RBM8A: variants seen among roughly 807,000 people sequenced by gnomAD.
RBM8A encodes RNA binding motif protein 8A, also known as RNA-binding protein 8A.
RBM8A carries 8 observed loss-of-function variants against 25.1 expected under a neutral mutation model. That is an observed-to-expected ratio of 0.32 (90% CI 0.19 to 0.58). The LOEUF is 0.58. Ranked by LOEUF, RBM8A falls within the 20% of genes least tolerant of loss-of-function variation. The probability of loss-of-function intolerance (pLI) is 0.88; values close to 1 mark genes in which losing one functional copy is unlikely to be tolerated. For missense variants in RBM8A, 114 were observed against 236.8 expected (o/e 0.48, Z 3.40); for synonymous variants, 66 against 80.0 (o/e 0.82, Z 0.94).
At position 145,925,617 on chromosome 1, in the gene RBM8A, A is replaced by G; in HGVS notation, c.*265T>C. ...ACTCTATCTCAAAAAAAAGAAAAAA[A>G]AGAAATACATAGAGTTCAGTCCCTA... On this transcript the variant is annotated 3_prime_UTR_variant, in exon 6 of 6. Transcript: ENST00000583313. The G allele has an allele frequency of 2.3e-6, 1 of 440,920 alleles. No individual in the cohort carries two copies. The highest frequency in any genetic ancestry group is 4.1e-6 in the Non-Finnish European group (1 of 241,982). The allele number at this position is 440,920 out of a possible 1,614,324, so 27.3% of individuals were successfully genotyped here.
At position 145,926,890 on chromosome 1, in the gene RBM8A, T is replaced by C; in HGVS notation, c.128-4A>G. The stretch of plus-strand genomic sequence containing the variant: ...ATCCGCGCTCGGGACCCCTCTTCTA[T>C]AAGGGACATACACGAGATCACCGAA... On this transcript the variant is annotated splice_region_variant and splice_polypyrimidine_tract_variant and intron_variant, in intron 2 of 5. Transcript: ENST00000583313. 2 of 1,614,058 alleles carry C rather than the reference T, an allele frequency of 1.2e-6. No individual in the cohort carries two copies. The highest frequency in any genetic ancestry group is 1.7e-6 in the Non-Finnish European group (2 of 1,180,006).
rs1647936665 is a variant in RBM8A at position 145,923,708 on chromosome 1, C to T, written c.*2174G>A. 4.5e-6 allele frequency: 2 copies of T among 447,496 alleles called. No homozygotes were observed. The highest frequency in any genetic ancestry group is 7.5e-5 in the Admixed American group (2 of 26,644). The allele number at this position is 447,496 out of a possible 1,614,324, so 27.7% of individuals were successfully genotyped here. Reference sequence around the variant, plus strand: ...ATTCTTTACCATTATAGTTACTGCACATAAGACTATTACTACTAAAGGTCA... The same window carrying T: ...ATTCTTTACCATTATAGTTACTGCATATAAGACTATTACTACTAAAGGTCA... On this transcript the variant is annotated 3_prime_UTR_variant, in exon 6 of 6. Coordinates refer to ENST00000583313, the MANE Select transcript of RBM8A (RefSeq NM_005105.5).
In RBM8A at chr1:145,923,655, T is replaced by A. The variant is rs1406771400; in HGVS notation, c.*2227A>T. ...GGGGGAGGGGCAGCCCAATAGCATTTGGAAAATGTTAAATTTTATTATTTA... is the reference window on the plus strand; with the variant it reads ...GGGGGAGGGGCAGCCCAATAGCATTAGGAAAATGTTAAATTTTATTATTTA... On this transcript the variant is annotated 3_prime_UTR_variant, in exon 6 of 6. Transcript: ENST00000583313. The A allele has an allele frequency of 1.9e-5, 7 of 364,928 alleles. No homozygotes were observed. Among genetic ancestry groups the A allele is most frequent in the African/African-American group, 1.5e-4 (7 of 48,042 alleles). The allele number at this position is 364,928 out of a possible 1,614,324, so 22.6% of individuals were successfully genotyped here.
At chr1:145,926,441 C>T (rs1559231522) in intron 4 of RBM8A, 41 bp downstream of exon 4, 1 of 1,608,952 alleles carries the variant, frequency 6.2e-7, no homozygotes, top group Non-Finnish European at 8.5e-7. Flanking sequence ...CTACCTAAGG[C>T]TTATGAAAGA....
At chr1:145,926,917 ACTC>A (rs1559231918) in intron 2 of RBM8A, 31 bp from the exon 3 acceptor site, 16 of 1,611,396 alleles carry the variant, frequency 9.9e-6, no homozygotes, top group Non-Finnish European at 1.2e-5. Context: ...ATCACCGAAA[ACTC>A]CTCCTTTCTC....
chr1:145,924,188 C>T lies in RBM8A; in HGVS notation c.*1694G>A. On this transcript the variant is annotated 3_prime_UTR_variant, in exon 6 of 6. Transcript: ENST00000583313. ...GTTCCACACGGTCCACTGAGCTGGC[C>T]CAGTCCCTTTCACTCAGTGTGTCAC... The T allele has an allele frequency of 1.4e-6, 1 of 694,286 alleles. No homozygotes were observed. The highest frequency in any genetic ancestry group is 1.5e-5 in the South Asian group (1 of 66,508). 43.0% of individuals were successfully genotyped at this position (694,286 alleles called of 1,614,324 possible).
At position 145,923,959 on chromosome 1, in the gene RBM8A, T is replaced by C. The variant is rs1469016088; in HGVS notation, c.*1923A>G. Reference sequence around the variant, plus strand: ...AACAAACTTACTGTTCAGCATCATATTCAAGCCTAAAAGGAAGATAGGATT... The same window carrying C: ...AACAAACTTACTGTTCAGCATCATACTCAAGCCTAAAAGGAAGATAGGATT... On this transcript the variant is annotated 3_prime_UTR_variant, in exon 6 of 6. Coordinates refer to ENST00000583313, the MANE Select transcript of RBM8A (RefSeq NM_005105.5). 2 of 611,870 alleles carry C rather than the reference T, an allele frequency of 3.3e-6. No homozygotes were observed. The highest frequency in any genetic ancestry group is 5.9e-6 in the Non-Finnish European group (2 of 336,778). The allele number at this position is 611,870 out of a possible 1,614,324, so 37.9% of individuals were successfully genotyped here. A position where few individuals can be genotyped will look rare whatever the true frequency, so the allele number is the denominator to read the frequency against.
At position 145,926,088 on chromosome 1, in the gene RBM8A, G is replaced by A. The variant is rs782534466; in HGVS notation, c.432C>T (p.Ile144=). 9 of 1,614,202 alleles carry A rather than the reference G, an allele frequency of 5.6e-6. No homozygotes were observed. In the South Asian group the frequency reaches 9.9e-5, roughly 18 times the overall value. ...CCCGAACAAAACACCAGTCAACGCT[G>A]ATGGGCTGTCCCATCAAATCCTGGC... is the stretch of plus-strand genomic sequence containing the variant. The part of the protein sequence containing the change: ...LNGQDLMGQP[I]SVDWCFVRGP... Residue 144 remains isoleucine (I), a synonymous_variant, in exon 5 of 6, where the codon ATC becomes ATT. Coordinates refer to ENST00000583313, the MANE Select transcript of RBM8A (RefSeq NM_005105.5).
chr1:145,922,725 T>TA lies in RBM8A; in HGVS notation c.*3156dup, dbSNP rs1553755122. The TA allele has an allele frequency of 6.6e-6, 1 of 152,160 alleles. No individual in the cohort carries two copies. Among genetic ancestry groups the TA allele is most frequent in the Admixed American group, 6.5e-5 (1 of 15,280 alleles). 9.4% of individuals were successfully genotyped at this position (152,160 alleles called of 1,614,324 possible). On this transcript the variant is annotated 3_prime_UTR_variant, in exon 6 of 6. Coordinates refer to ENST00000583313, the MANE Select transcript of RBM8A (RefSeq NM_005105.5). Reference sequence around the variant, plus strand: ...AATAAAAAATTTAATAATGTCACGTTAGAGTGGTAAGGGCTTAGGGGTAGT... The same window carrying TA: ...AATAAAAAATTTAATAATGTCACGTTAAGAGTGGTAAGGGCTTAGGGGTAGT...
In RBM8A at chr1:145,922,411, CTTTG is replaced by C. The variant is rs1276251555; in HGVS notation, c.*3467_*3470del. The C allele has an allele frequency of 1.3e-5, 2 of 152,122 alleles. No homozygotes were observed. The highest frequency in any genetic ancestry group is 2.9e-5 in the Non-Finnish European group (2 of 68,004). 9.4% of individuals were successfully genotyped at this position (152,122 alleles called of 1,614,324 possible). A position where few individuals can be genotyped will look rare whatever the true frequency, so the allele number is the denominator to read the frequency against. The stretch of plus-strand genomic sequence containing the variant: ...TTTTTGTTTCAGTCTGCCTGTTTTA[CTTTG>C]TTTTTTTCTGAGTCTCGGCTCTACT... On this transcript the variant is annotated 3_prime_UTR_variant, in exon 6 of 6. Coordinates refer to ENST00000583313, the MANE Select transcript of RBM8A (RefSeq NM_005105.5).
In RBM8A at chr1:145,922,676, T is replaced by C. The variant is rs1419258176; in HGVS notation, c.*3206A>G. The stretch of plus-strand genomic sequence containing the variant: ...CTGTATTGCCCATATGCTGTAATTG[T>C]AGTTAAAATATTAGTGTTAATAAAA... On this transcript the variant is annotated 3_prime_UTR_variant, in exon 6 of 6. Transcript: ENST00000583313. The C allele has an allele frequency of 6.6e-6, 1 of 152,174 alleles. No individual in the cohort carries two copies. Among genetic ancestry groups the C allele is most frequent in the Non-Finnish European group, 1.5e-5 (1 of 68,036 alleles). 9.4% of individuals were successfully genotyped at this position (152,174 alleles called of 1,614,324 possible).
chr1:145,925,667 C>T lies in RBM8A; in HGVS notation c.*215G>A. 5.2e-6 allele frequency: 3 copies of T among 577,826 alleles called. No individual in the cohort carries two copies. The highest frequency in any genetic ancestry group is 4.7e-4 in the Middle Eastern group (1 of 2,132). 35.8% of individuals were successfully genotyped at this position (577,826 alleles called of 1,614,324 possible). ...AGAAGTATCTTCACAATGATCCATA[C>T]AGCCTTGCTATGCTTTAGAACTTTC... is the stretch of plus-strand genomic sequence containing the variant. On this transcript the variant is annotated 3_prime_UTR_variant, in exon 6 of 6. Transcript: ENST00000583313.
Position 145,925,842 on chromosome 1 carries a change from A to G in RBM8A, c.*40T>C. 4 of 1,588,334 alleles carry G rather than the reference A, an allele frequency of 2.5e-6. No individual in the cohort carries two copies. Among genetic ancestry groups the G allele is most frequent in the Non-Finnish European group, 3.5e-6 (4 of 1,158,136 alleles). Reference sequence around the variant, plus strand: ...TATTTGTCCAAGGCTGCATGGTCAAATGGAATCTTGAAGAGAACACCTGGA... The same window carrying G: ...TATTTGTCCAAGGCTGCATGGTCAAGTGGAATCTTGAAGAGAACACCTGGA... On this transcript the variant is annotated 3_prime_UTR_variant, in exon 6 of 6. Coordinates refer to ENST00000583313, the MANE Select transcript of RBM8A (RefSeq NM_005105.5).
intron 3 of RBM8A, 23 bp downstream of exon 3, chr1:145,926,786 T>G (rs1246217408): frequency 1.2e-6 from 2 of 1,614,040 alleles, no homozygotes; most frequent in Admixed American, 3.3e-5. Flanking sequence ...CACGGATACC[T>G]CACAGGTTCC....
In RBM8A at chr1:145,926,894, G is replaced by A. The variant is rs782424052; in HGVS notation, c.128-8C>T. 5 of 1,613,824 alleles carry A rather than the reference G, an allele frequency of 3.1e-6. No individual in the cohort carries two copies. The highest frequency in any genetic ancestry group is 4.2e-6 in the Non-Finnish European group (5 of 1,179,978). On this transcript the variant is annotated splice_region_variant and splice_polypyrimidine_tract_variant and intron_variant, in intron 2 of 5. Coordinates refer to ENST00000583313, the MANE Select transcript of RBM8A (RefSeq NM_005105.5). ...GCGCTCGGGACCCCTCTTCTATAAG[G>A]GACATACACGAGATCACCGAAAACT...
In RBM8A at chr1:145,927,447, C is replaced by T. The variant is rs139428292; in HGVS notation, c.-21G>A. ...GCCATCTCGCCTTCGATCGAGATCT[C>T]GTCTGTGCCGCTCAGACACTAGGTA... is the stretch of plus-strand genomic sequence containing the variant. On this transcript the variant is annotated 5_prime_UTR_variant, in exon 1 of 6. Coordinates refer to ENST00000583313, the MANE Select transcript of RBM8A (RefSeq NM_005105.5). The T allele has an allele frequency of 0.025, 40,603 of 1,604,966 alleles. 616 individuals are homozygous for T. Among genetic ancestry groups the T allele is most frequent in the Middle Eastern group, 0.032 (185 of 5,798 alleles).
rs1428146800 is a variant in RBM8A, at chr1:145,925,663, C to A, written c.*219G>T. On this transcript the variant is annotated 3_prime_UTR_variant, in exon 6 of 6. Transcript: ENST00000583313. ...CCCTAGAAGTATCTTCACAATGATC[C>A]ATACAGCCTTGCTATGCTTTAGAAC... is the stretch of plus-strand genomic sequence containing the variant. 1 of 569,816 alleles carries A rather than the reference C, an allele frequency of 1.8e-6. No homozygotes were observed. The highest frequency in any genetic ancestry group is 3.1e-6 in the Non-Finnish European group (1 of 319,724). The allele number at this position is 569,816 out of a possible 1,614,324, so 35.3% of individuals were successfully genotyped here.
Position 145,927,003 on chromosome 1 carries a change from T to C in RBM8A, c.127+15A>G. The C allele has an allele frequency of 1.2e-6, 2 of 1,614,090 alleles. No individual in the cohort carries two copies. The highest frequency in any genetic ancestry group is 1.7e-6 in the Non-Finnish European group (2 of 1,180,008). On this transcript the variant is annotated intron_variant, in intron 2 of 5. Transcript: ENST00000583313. Reference sequence around the variant, plus strand: ...GCCCTACTAGGCCACTCTACCCCATTTTCCCCACACTCACCGGAGCCAAAG... The same window carrying C: ...GCCCTACTAGGCCACTCTACCCCATCTTCCCCACACTCACCGGAGCCAAAG...
At chr1:145,926,376 C>A in intron 4 of RBM8A, 106 bp downstream of exon 4, 1 of 1,508,170 alleles carries the variant, frequency 6.6e-7, no homozygotes, top group Non-Finnish European at 9.0e-7. Flanking sequence ...TTTCCAATGT[C>A]ATTTTATTTC....
Sources: allele counts gnomAD v4.1 joint callset, GRCh38; gene constraint gnomAD v4.1.1; transcripts MANE v1.5; gene names NCBI Gene and HGNC (gene_info 2026-07-23, HGNC 2026-07-21).